The following RBFOX1 variants were observed in gnomAD, a reference collection of about 807,000 sequenced individuals.
RBFOX1 encodes RNA binding fox-1 homolog 1.
Under a neutral mutation model 57.7 loss-of-function variants are expected in RBFOX1, and 8 were observed. The ratio of observed to expected loss-of-function variants is 0.14; its 90% CI spans 0.08 to 0.25. The LOEUF (loss-of-function observed/expected upper bound fraction) is 0.25, where lower values mean the gene tolerates loss of function less well. Among genes scored for constraint, RBFOX1 ranks in the 10% least tolerant of loss-of-function variants. The probability of loss-of-function intolerance (pLI) is 1.00; values close to 1 mark genes in which losing one functional copy is unlikely to be tolerated. For missense variants in RBFOX1, 611 were observed against 548.5 expected (o/e 1.11, Z -1.14); for synonymous variants, 326 against 222.4 (o/e 1.47, Z -4.15).
intron 5 of RBFOX1, among the ~76,000 whole-genome samples, chr16:7,548,448 G>A (rs183403491): frequency 1.3e-5 from 2 of 152,194 alleles, no homozygotes; most frequent in Admixed American, 6.5e-5. Flanking sequence ...GAGCCACTGC[G>A]CCTGGCCTCG....
intron 1 of RBFOX1, among the ~76,000 whole-genome samples, chr16:6,308,075 CATTT>C (rs2079753155): frequency 6.6e-6 from 1 of 150,758 alleles, no homozygotes; most frequent in Non-Finnish European, 1.5e-5. Flanking sequence ...ATTTTATAAT[CATTT>C]ATTCATTTAT....
At chr16:7,139,475 A>G (rs1238936069) in intron 4 of RBFOX1, among the ~76,000 whole-genome samples, 2 of 152,122 alleles carry the variant, frequency 1.3e-5, no homozygotes, top group Admixed American at 1.3e-4. Context: ...GAGAGGAGGA[A>G]AATCCTAACT....
chr16:6,449,914 C>T (rs1458749684), intron 2 of RBFOX1, among the ~76,000 whole-genome samples: 1 of 152,170 alleles, frequency 6.6e-6, no homozygotes, highest in Admixed American at 6.6e-5. Flanking sequence ...TTCATTTCTC[C>T]AGATGCTGTA....
chr16:7,138,431 C>T (rs899578885), intron 4 of RBFOX1, among the ~76,000 whole-genome samples: 3 of 152,034 alleles, frequency 2.0e-5, no homozygotes, highest in Admixed American at 1.3e-4. Context: ...TTATTGGCAA[C>T]GTGGAGGCAA....
intron 3 of RBFOX1, among the ~76,000 whole-genome samples, chr16:6,700,231 C>G (rs2061621775): frequency 6.6e-6 from 1 of 152,114 alleles, no homozygotes; most frequent in African/African-American, 2.4e-5. Context: ...CATGCACTGT[C>G]CTTTCCTGAT....
At chr16:7,279,266 T>C (rs2095497902) in intron 4 of RBFOX1, among the ~76,000 whole-genome samples, 1 of 152,144 alleles carries the variant, frequency 6.6e-6, no homozygotes, top group Non-Finnish European at 1.5e-5. Context: ...AACATGTCAC[T>C]TGGGCAAAGT....
intron 2 of RBFOX1, among the ~76,000 whole-genome samples, chr16:6,576,602 T>A (rs2097441110): frequency 6.6e-6 from 1 of 152,150 alleles, no homozygotes; most frequent in Admixed American, 6.5e-5. Flanking sequence ...TTCTTTGAAC[T>A]CCAACTGGGA....
intron 4 of RBFOX1, among the ~76,000 whole-genome samples, chr16:7,143,063 T>C (rs2074187233): frequency 6.6e-6 from 1 of 152,190 alleles, no homozygotes; most frequent in African/African-American, 2.4e-5. Context: ...GTGTGCAGTG[T>C]CCTTCATATT....
chr16:6,971,435 G>A (rs990516758), intron 3 of RBFOX1, among the ~76,000 whole-genome samples: 18 of 151,950 alleles, frequency 1.2e-4, no homozygotes, highest in African/African-American at 4.1e-4. Flanking sequence ...AGATGGGTTT[G>A]GAGGGGTTGG....
intron 2 of RBFOX1, among the ~76,000 whole-genome samples, chr16:6,413,145 C>T (rs370821877): frequency 3.3e-5 from 5 of 152,144 alleles, no homozygotes; most frequent in East Asian, 1.9e-4. Context: ...CATGGAGAAA[C>T]CCTGTCTCTA....
At chr16:6,658,803 G>C (rs2098679629) in intron 3 of RBFOX1, among the ~76,000 whole-genome samples, 1 of 152,018 alleles carries the variant, frequency 6.6e-6, no homozygotes, top group African/African-American at 2.4e-5. Context: ...GTACCTGCTT[G>C]GATGGTTCCT....
At chr16:7,453,299 T>C (rs1303761965) in intron 4 of RBFOX1, among the ~76,000 whole-genome samples, 1 of 151,988 alleles carries the variant, frequency 6.6e-6, no homozygotes, top group African/African-American at 2.4e-5. Context: ...ATGAAGATCC[T>C]GTGGTAGGAA....
chr16:6,718,575 C>T (rs910559562), intron 3 of RBFOX1, among the ~76,000 whole-genome samples: 15 of 152,080 alleles, frequency 9.9e-5, no homozygotes, highest in Middle Eastern at 3.2e-3. Flanking sequence ...TTTGTGTCCC[C>T]GCCCAAATCT....
Position 6,596,125 on chromosome 16 carries a change from T to C in RBFOX1, c.-63-58478T>C, listed in dbSNP as rs559155888. On this transcript the variant is annotated intron_variant, in intron 2 of 15. Coordinates refer to ENST00000550418, the MANE Select transcript of RBFOX1 (RefSeq NM_018723.4). ...GTCAGCAGCACAATTAAAAAATGGATACAGTCCAATTTATTTTTTATTGCT... is the reference window on the plus strand; with the variant it reads ...GTCAGCAGCACAATTAAAAAATGGACACAGTCCAATTTATTTTTTATTGCT... Among the ~76,000 whole-genome samples, 10 of 152,262 alleles carry C rather than the reference T, an allele frequency of 6.6e-5. No individual in the cohort carries two copies. In the South Asian group the frequency reaches 2.1e-3, roughly 32 times the overall value.
At chr16:6,876,449 T>C (rs2061862261) in intron 3 of RBFOX1, among the ~76,000 whole-genome samples, 1 of 152,122 alleles carries the variant, frequency 6.6e-6, no homozygotes, top group African/African-American at 2.4e-5. Context: ...TGAAGTGATA[T>C]CAAAAATCAC....
chr16:6,373,774 G>A (rs1195079531), intron 2 of RBFOX1, among the ~76,000 whole-genome samples: 3 of 152,136 alleles, frequency 2.0e-5, no homozygotes, highest in Non-Finnish European at 4.4e-5. Context: ...TCATTATGTG[G>A]GAAGACGGTT....
At chr16:7,155,027 G>C (rs995352107) in intron 4 of RBFOX1, among the ~76,000 whole-genome samples, 1 of 152,036 alleles carries the variant, frequency 6.6e-6, no homozygotes, top group African/African-American at 2.4e-5. Context: ...TTGCTATTGA[G>C]CTGGAATATT....
intron 3 of RBFOX1, among the ~76,000 whole-genome samples, chr16:6,966,347 C>G (rs1227514182): frequency 6.6e-6 from 1 of 152,080 alleles, no homozygotes; most frequent in Non-Finnish European, 1.5e-5. Flanking sequence ...TCAGAGCACA[C>G]ACAGTCTAGT....
intron 3 of RBFOX1, among the ~76,000 whole-genome samples, chr16:5,634,966 T>C (rs2048634174): frequency 6.6e-6 from 1 of 152,178 alleles, no homozygotes; most frequent in Non-Finnish European, 1.5e-5. Flanking sequence ...AATTACTGTG[T>C]ACAGGGGAGG....
Sources: allele counts gnomAD v4.1 joint callset (sites outside exome capture counted in the v4.1 genomes callset), GRCh38; gene constraint gnomAD v4.1.1; transcripts MANE v1.5; gene names NCBI Gene and HGNC (gene_info 2026-07-23, HGNC 2026-07-21).